Variants in PHACTR4 observed in about 807,000 individuals in gnomAD.
PHACTR4 encodes protein phosphatase 1, regulatory subunit 124.
In PHACTR4, 51 loss-of-function variants were observed where a neutral mutation model predicts 72.7. That is an observed-to-expected ratio of 0.70 (90% CI 0.56 to 0.89). The LOEUF (loss-of-function observed/expected upper bound fraction) is 0.89, where lower values mean the gene tolerates loss of function less well. Ranked by LOEUF, PHACTR4 falls within the 40% of genes least tolerant of loss-of-function variation. The pLI is 0.00. For missense variants in PHACTR4, 731 were observed against 861.8 expected (o/e 0.85, Z 1.90); for synonymous variants, 255 against 302.5 (o/e 0.84, Z 1.63).
chr1:28,445,475 A>C, intron 2 of PHACTR4, among the ~76,000 whole-genome samples: 1 of 128,350 alleles, frequency 7.8e-6, no homozygotes. Flanking sequence ...CTGTCTTTCC[A>C]TTTTACCTCT....
intron 2 of PHACTR4, among the ~76,000 whole-genome samples, chr1:28,443,343 G>A (rs1037413134): frequency 2.6e-5 from 4 of 151,576 alleles, no homozygotes; most frequent in South Asian, 2.1e-4. Context: ...GTGCAGTGGC[G>A]CGATCTCGGC....
chr1:28,493,053 C>G lies in PHACTR4; in HGVS notation c.2055C>G (p.Ser685=), dbSNP rs761837277. 6.2e-7 allele frequency: 1 copy of G among 1,613,462 alleles called. No individual in the cohort carries two copies. Among genetic ancestry groups the G allele is most frequent in the Non-Finnish European group, 8.5e-7 (1 of 1,179,534 alleles). ...IRKELNEFKS[S]EMEVHEESKH... ...AAGAATTAAATGAATTTAAAAGCTC[C>G]GAGATGGAGGTTCATGAAGAGAGCA... Residue 685 remains serine, a synonymous_variant, in exon 13 of 14, where the codon TCC becomes TCG. Transcript: ENST00000373839.
intron 1 of PHACTR4, among the ~76,000 whole-genome samples, chr1:28,379,907 A>G (rs566959171): frequency 2.5e-4 from 38 of 151,740 alleles, no homozygotes; most frequent in Middle Eastern, 3.4e-3. Context: ...CTTATATTCC[A>G]TAATTGTAAA....
intron 2 of PHACTR4, among the ~76,000 whole-genome samples, chr1:28,450,593 A>T (rs572461845): frequency 1.3e-5 from 2 of 151,934 alleles, no homozygotes; most frequent in Non-Finnish European, 2.9e-5. Context: ...ATACCTGAGT[A>T]TATTTTTTGT....
intron 1 of PHACTR4, among the ~76,000 whole-genome samples, chr1:28,383,056 G>A (rs1048416868): frequency 2.6e-5 from 4 of 152,156 alleles, no homozygotes; most frequent in African/African-American, 9.6e-5. Context: ...GCTTACCAAA[G>A]TGTTGGGATT....
intron 1 of PHACTR4, among the ~76,000 whole-genome samples, chr1:28,395,404 A>G (rs887207300): frequency 6.6e-6 from 1 of 151,918 alleles, no homozygotes; most frequent in Non-Finnish European, 1.5e-5. Context: ...CACTAGTGTT[A>G]TTTTCTGGGA....
intron 1 of PHACTR4, among the ~76,000 whole-genome samples, chr1:28,404,122 G>A (rs11247808): frequency 0.29 from 44,370 of 151,758 alleles, 6,743 homozygotes; most frequent in Middle Eastern, 0.34. Flanking sequence ...AGTAATTTTT[G>A]TATTTTTTGT....
chr1:28,455,198 C>CTTTCTTTTTTT (rs1250815977), intron 2 of PHACTR4, among the ~76,000 whole-genome samples: 5 of 85,974 alleles, frequency 5.8e-5, no homozygotes, highest in African/African-American at 2.3e-4. Flanking sequence ...TTCTTTCTTT[C>CTTTCTTTTTTT]TTTTTTTTTT....
chr1:28,422,345 A>G (rs946336507), intron 2 of PHACTR4, among the ~76,000 whole-genome samples: 8 of 152,246 alleles, frequency 5.3e-5, no homozygotes, highest in Non-Finnish European at 1.0e-4. Context: ...AAAACTTTAC[A>G]TCACATTTAC....
intron 2 of PHACTR4, among the ~76,000 whole-genome samples, chr1:28,430,092 G>A (rs1465786541): frequency 6.6e-6 from 1 of 151,558 alleles, no homozygotes. Flanking sequence ...GCGTGATCTC[G>A]GCTTACTGCA....
intron 2 of PHACTR4, among the ~76,000 whole-genome samples, chr1:28,433,859 C>A (rs1464189854): frequency 2.6e-5 from 4 of 152,096 alleles, no homozygotes; most frequent in Non-Finnish European, 4.4e-5. Flanking sequence ...TTGGTCACTG[C>A]AACCTCCGCT....
At position 28,497,594 on chromosome 1, in the gene PHACTR4, CAAGA is replaced by C. The variant is rs1295679186; in HGVS notation, c.*1049_*1052del. 7.2e-6 allele frequency: 1 copy of C among 138,666 alleles called. No individual in the cohort carries two copies. The highest frequency in any genetic ancestry group is 1.5e-5 in the Non-Finnish European group (1 of 64,680). The allele number at this position is 138,666 out of a possible 1,614,324, so 8.6% of individuals were successfully genotyped here. A position where few individuals can be genotyped will look rare whatever the true frequency, so the allele number is the denominator to read the frequency against. On this transcript the variant is annotated 3_prime_UTR_variant, in exon 14 of 14. Transcript: ENST00000373839. ...CATGTATATTTTCTATATACAAAAA[CAAGA>C]AAGGCGTTTTGAGCCCCTGTGCTCA...
At chr1:28,381,779 T>A (rs1003250757) in intron 1 of PHACTR4, among the ~76,000 whole-genome samples, 18 of 152,208 alleles carry the variant, frequency 1.2e-4, no homozygotes, top group Admixed American at 1.1e-3. Flanking sequence ...GACTTTTTTC[T>A]TGTTTCTTTT....
At chr1:28,441,287 C>G (rs1485072187) in intron 2 of PHACTR4, among the ~76,000 whole-genome samples, 1 of 151,438 alleles carries the variant, frequency 6.6e-6, no homozygotes, top group Admixed American at 6.6e-5. Context: ...ACTGTCGTGA[C>G]CAGGCTGGTC....
At chr1:28,414,707 A>G (rs1287550824) in intron 2 of PHACTR4, among the ~76,000 whole-genome samples, 3 of 152,162 alleles carry the variant, frequency 2.0e-5, no homozygotes, top group South Asian at 4.2e-4. Flanking sequence ...TATCCCTACC[A>G]TCAGTTGCCT....
chr1:28,491,632 A>G lies in PHACTR4; in HGVS notation c.1879-18A>G. 6.2e-7 allele frequency: 1 copy of G among 1,613,894 alleles called. No homozygotes were observed. Among genetic ancestry groups the G allele is most frequent in the Non-Finnish European group, 8.5e-7 (1 of 1,179,850 alleles). ...CTAATTATTGGCTTGGTGAACTAAG[A>G]GGCTCCGTTTCCTTCAGCTCAGTCA... On this transcript the variant is annotated intron_variant, in intron 11 of 13. Coordinates refer to ENST00000373839, the MANE Select transcript of PHACTR4 (RefSeq NM_001048183.3).
At chr1:28,410,933 C>T (rs994251647) in intron 2 of PHACTR4, among the ~76,000 whole-genome samples, 4 of 152,006 alleles carry the variant, frequency 2.6e-5, no homozygotes, top group Non-Finnish European at 5.9e-5. Flanking sequence ...TCTTGAACTC[C>T]TGACCTCAGG....
At chr1:28,432,770 T>A (rs1333734630) in intron 2 of PHACTR4, among the ~76,000 whole-genome samples, 2 of 152,134 alleles carry the variant, frequency 1.3e-5, no homozygotes, top group Non-Finnish European at 2.9e-5. Context: ...TGAGACAGGG[T>A]CTCACTATCA....
intron 2 of PHACTR4, among the ~76,000 whole-genome samples, chr1:28,410,404 C>T (rs1013527678): frequency 6.6e-6 from 1 of 152,138 alleles, no homozygotes. Context: ...ATGACAACTC[C>T]GTAGGTTTGT....
Sources: gnomAD v4.1 joint callset for allele counts (sites outside exome capture counted in the v4.1 genomes callset) on GRCh38, gnomAD v4.1.1 for gene constraint, MANE v1.5 for transcripts, NCBI Gene and HGNC (gene_info 2026-07-23, HGNC 2026-07-21) for gene names.